Variants in LSM4 observed in about 807,000 individuals in gnomAD.
LSM4 encodes the protein LSM4 homolog, U6 small nuclear RNA and mRNA degradation associated.
LSM4 carries 15 observed loss-of-function variants against 22.3 expected under a neutral mutation model. The observed-to-expected ratio is 0.67, with a 90% CI of 0.45 to 1.03. The LOEUF (loss-of-function observed/expected upper bound fraction) is 1.03, where lower values mean the gene tolerates loss of function less well. Ranked by LOEUF, LSM4 falls within the 50% of genes least tolerant of loss-of-function variation. The probability of loss-of-function intolerance (pLI) is 0.00; values close to 1 mark genes in which losing one functional copy is unlikely to be tolerated. For missense variants in LSM4, 127 were observed against 198.0 expected (o/e 0.64, Z 2.15); for synonymous variants, 90 against 79.8 (o/e 1.13, Z -0.68).
At chr19:18,312,488 C>T (rs1372915114) in intron 3 of LSM4, 116 bp downstream of exon 3, 17 of 818,218 alleles carry the variant, frequency 2.1e-5, no homozygotes, top group Admixed American at 7.7e-5. Flanking sequence ...CCTGGAAGGA[C>T]GAGCAGTCCT....
chr19:18,321,798 A>G (rs1970426841), intron 1 of LSM4, among the ~76,000 whole-genome samples: 1 of 152,244 alleles, frequency 6.6e-6, no homozygotes. Flanking sequence ...CAGTCCTGCG[A>G]TCCCACCCAG....
chr19:18,321,745 G>A (rs891690319), intron 1 of LSM4, among the ~76,000 whole-genome samples: 1 of 152,116 alleles, frequency 6.6e-6, no homozygotes, highest in African/African-American at 2.4e-5. Context: ...CCCCGTACTT[G>A]ACGGATCAGC....
chr19:18,311,823 C>G (rs1001319571), intron 3 of LSM4, among the ~76,000 whole-genome samples: 6 of 152,294 alleles, frequency 3.9e-5, no homozygotes, highest in Admixed American at 3.9e-4. Flanking sequence ...CAAGATACGG[C>G]CACTTCAGGA....
In LSM4 at chr19:18,307,101, T is replaced by C. The variant is rs1970234492; in HGVS notation, c.*363A>G. 5.0e-6 allele frequency: 1 copy of C among 200,102 alleles called. No individual in the cohort carries two copies. The highest frequency in any genetic ancestry group is 1.0e-5 in the Non-Finnish European group (1 of 100,216). The allele number at this position is 200,102 out of a possible 1,614,324, so 12.4% of individuals were successfully genotyped here. On this transcript the variant is annotated 3_prime_UTR_variant, in exon 5 of 5. Coordinates refer to ENST00000593829, the MANE Select transcript of LSM4 (RefSeq NM_012321.5). The stretch of plus-strand genomic sequence containing the variant: ...CAGCATGAACAGCTTAAAATAAAAA[T>C]CTCCCGTCTGGTTGCTGCTCGGAGA...
At position 18,307,252 on chromosome 19, in the gene LSM4, A is replaced by C. The variant is rs1393353718; in HGVS notation, c.*212T>G. The C allele has an allele frequency of 1.6e-5, 7 of 435,230 alleles. No homozygotes were observed. The highest frequency in any genetic ancestry group is 4.4e-5 in the Admixed American group (1 of 22,914). 27.0% of individuals were successfully genotyped at this position (435,230 alleles called of 1,614,324 possible). ...CAGCCAGTTTTGGGACGGCCGTTTC[A>C]CAAAACCAAAAAACACCAAGTAACA... On this transcript the variant is annotated 3_prime_UTR_variant, in exon 5 of 5. Coordinates refer to ENST00000593829, the MANE Select transcript of LSM4 (RefSeq NM_012321.5).
intron 2 of LSM4, among the ~76,000 whole-genome samples, chr19:18,314,401 C>A (rs1021434718): frequency 6.6e-6 from 1 of 151,692 alleles, no homozygotes; most frequent in African/African-American, 2.4e-5. Flanking sequence ...GTGGCGTGTA[C>A]CTGTAGTCCC....
intron 2 of LSM4, 84 bp from the exon 3 acceptor site, chr19:18,312,786 G>C (rs2148140238): frequency 2.9e-6 from 3 of 1,028,184 alleles, no homozygotes; most frequent in Middle Eastern, 2.1e-4. Context: ...TCTGCCCTGA[G>C]ATGGACCACC....
intron 1 of LSM4, among the ~76,000 whole-genome samples, chr19:18,321,109 C>A (rs1485500362): frequency 1.3e-5 from 2 of 152,204 alleles, no homozygotes; most frequent in Admixed American, 1.3e-4. Flanking sequence ...CTCGGCTACT[C>A]CTCCAGGAAA....
intron 2 of LSM4, among the ~76,000 whole-genome samples, chr19:18,314,162 T>G (rs1970326984): frequency 6.6e-6 from 1 of 152,148 alleles, no homozygotes; most frequent in Admixed American, 6.6e-5. Context: ...TGTGCGTGAA[T>G]GTTCACAGTG....
intron 1 of LSM4, among the ~76,000 whole-genome samples, chr19:18,319,256 C>CA (rs950805292): frequency 2.0e-5 from 3 of 147,114 alleles, no homozygotes; most frequent in Non-Finnish European, 4.5e-5. Context: ...AAACAAAAAA[C>CA]AAAAAAACAA....
chr19:18,322,327 G>A (rs1210664411), intron 1 of LSM4, among the ~76,000 whole-genome samples: 1 of 152,158 alleles, frequency 6.6e-6, no homozygotes, highest in Non-Finnish European at 1.5e-5. Context: ...TGGGGGACAC[G>A]GGCACTTTCT....
At position 18,309,727 on chromosome 19, in the gene LSM4, C is replaced by A; in HGVS notation, c.279G>T (p.Leu93=). ...VVAKGRGRGG[L]QQQKQQKGRG... is the part of the protein sequence containing the mutation. ...GGCCTTTCTGCTGCTTCTGCTGCTG[C>A]AGGCCTCCGCGGCCGCGGCCCTTGG... The change falls in exon 4 of 5, where the codon CTG becomes CTT. Residue 93 remains leucine, a synonymous_variant. Coordinates refer to ENST00000593829, the MANE Select transcript of LSM4 (RefSeq NM_012321.5). The A allele has an allele frequency of 6.2e-7, 1 of 1,612,532 alleles. No homozygotes were observed. The highest frequency in any genetic ancestry group is 8.5e-7 in the Non-Finnish European group (1 of 1,179,460).
chr19:18,316,005 C>G lies in LSM4; in HGVS notation c.45+19G>C. 6.2e-7 allele frequency: 1 copy of G among 1,612,092 alleles called. No homozygotes were observed. The highest frequency in any genetic ancestry group is 8.5e-7 in the Non-Finnish European group (1 of 1,178,810). ...TGGCCCCCTCTCAAACAGGCTTTCC[C>G]AGACCACTGAGTACTCACCATGGGG... On this transcript the variant is annotated intron_variant, in intron 2 of 4. Transcript: ENST00000593829.
Position 18,315,581 on chromosome 19 carries a change from G to A in LSM4, c.45+443C>T, listed in dbSNP as rs191315094. Among the ~76,000 whole-genome samples the A allele has an allele frequency of 1.6e-3, 250 of 151,906 alleles. 3 individuals carry two copies. Among genetic ancestry groups the A allele is most frequent in the Middle Eastern group, 3.4e-3 (1 of 294 alleles). ...TCTAGAGACAAGGTTTCACTCTGTC[G>A]CTCAGACTGGAGCGCAGTGGTATGA... On this transcript the variant is annotated intron_variant, in intron 2 of 4. Coordinates refer to ENST00000593829, the MANE Select transcript of LSM4 (RefSeq NM_012321.5).
At position 18,306,429 on chromosome 19, in the gene LSM4, G is replaced by C. The variant is rs539006015; in HGVS notation, c.*1035C>G. ...GACTCAGTGTCTCAGGTGCGCGCCC[G>C]AGGAGTGGCAAACCCGGCCTGGCTC... On this transcript the variant is annotated 3_prime_UTR_variant, in exon 5 of 5. Transcript: ENST00000593829. 1 of 152,328 alleles carries C rather than the reference G, an allele frequency of 6.6e-6. No individual in the cohort carries two copies. The highest frequency in any genetic ancestry group is 1.9e-4 in the East Asian group (1 of 5,180). The allele number at this position is 152,328 out of a possible 1,614,324, so 9.4% of individuals were successfully genotyped here. A position where few individuals can be genotyped will look rare whatever the true frequency, so the allele number is the denominator to read the frequency against.
At chr19:18,313,421 T>A (rs1252736164) in intron 2 of LSM4, among the ~76,000 whole-genome samples, 3 of 152,200 alleles carry the variant, frequency 2.0e-5, no homozygotes, top group African/African-American at 4.8e-5. Context: ...TGCTGTTTTT[T>A]ACTGCAATAA....
At chr19:18,308,402 G>A (rs900616982) in intron 4 of LSM4, among the ~76,000 whole-genome samples, 7 of 152,210 alleles carry the variant, frequency 4.6e-5, no homozygotes, top group East Asian at 1.9e-4. Flanking sequence ...TGTAAGCCCC[G>A]TTTAGGGAGC....
chr19:18,322,893 C>T, intron 1 of LSM4, 125 bp downstream of exon 1: 1 of 1,363,110 alleles, frequency 7.3e-7, no homozygotes, highest in Non-Finnish European at 1.0e-6. Flanking sequence ...TGCCGGGGGG[C>T]GGGACTCGAG....
In LSM4 at chr19:18,316,195, C is replaced by T. The variant is rs1185027180; in HGVS notation, c.4-130G>A. On this transcript the variant is annotated intron_variant, in intron 1 of 4. Transcript: ENST00000593829. The stretch of plus-strand genomic sequence containing the variant: ...GGGCACAGGAGTGCGTGTCAATCAC[C>T]CCCCACTGGAAATGCCATTTCCTCA... 17 of 704,904 alleles carry T rather than the reference C, an allele frequency of 2.4e-5. 1 individual carries two copies. In the Admixed American group the frequency reaches 4.1e-4, roughly 17 times the overall value. The allele number at this position is 704,904 out of a possible 1,614,324, so 43.7% of individuals were successfully genotyped here. A position where few individuals can be genotyped will look rare whatever the true frequency, so the allele number is the denominator to read the frequency against.
Sources: gnomAD v4.1 joint callset for allele counts (sites outside exome capture counted in the v4.1 genomes callset) on GRCh38, gnomAD v4.1.1 for gene constraint, MANE v1.5 for transcripts, NCBI Gene and HGNC (gene_info 2026-07-23, HGNC 2026-07-21) for gene names.